The following TMEM132C variants were observed in gnomAD, a reference collection of about 807,000 sequenced individuals.
TMEM132C encodes the protein protein phosphatase 1, regulatory subunit 152.
In TMEM132C, 29 loss-of-function variants were observed where a neutral mutation model predicts 61.4. That is an observed-to-expected ratio of 0.47 (90% CI 0.35 to 0.64). The LOEUF is 0.64. TMEM132C is among the 30% of genes least tolerant of loss of function. The pLI, the probability that TMEM132C is intolerant of heterozygous loss-of-function variation, is 0.00. For synonymous variants in TMEM132C, 656 were observed against 633.1 expected, an observed-to-expected ratio of 1.04 and a Z score of -0.54; for missense variants, 1,408 against 1,476.9, an observed-to-expected ratio of 0.95 and a Z score of 0.76.
chr12:128,635,468 T>TC (rs1316115755), intron 4 of TMEM132C, among the ~76,000 whole-genome samples: 2 of 146,894 alleles, frequency 1.4e-5, no homozygotes, highest in Non-Finnish European at 2.9e-5. Flanking sequence ...TTTTCTTTTT[T>TC]TTTTTTTTTT....
At chr12:128,509,122 G>A (rs142631412) in intron 2 of TMEM132C, among the ~76,000 whole-genome samples, 189 of 152,278 alleles carry the variant, frequency 1.2e-3, no homozygotes, top group East Asian at 0.01. Flanking sequence ...GCAAGTCCTC[G>A]AAGCAAACCA....
intron 1 of TMEM132C, among the ~76,000 whole-genome samples, chr12:128,381,334 G>A (rs956309646): frequency 9.2e-5 from 14 of 152,170 alleles, no homozygotes; most frequent in Middle Eastern, 3.2e-3. Flanking sequence ...AATCCATCTG[G>A]TGGAGCAGAG....
At chr12:128,564,890 A>T (rs1874644692) in intron 3 of TMEM132C, among the ~76,000 whole-genome samples, 1 of 152,192 alleles carries the variant, frequency 6.6e-6, no homozygotes, top group African/African-American at 2.4e-5. Flanking sequence ...CCTGGTAGTC[A>T]TGCCTTTAAA....
intron 2 of TMEM132C, among the ~76,000 whole-genome samples, chr12:128,419,380 G>A (rs975539629): frequency 6.6e-6 from 1 of 152,152 alleles, no homozygotes. Context: ...GGATGAGTGC[G>A]AAGGCTCTGG....
chr12:128,483,130 T>C (rs1871366345), intron 2 of TMEM132C, among the ~76,000 whole-genome samples: 1 of 149,670 alleles, frequency 6.7e-6, no homozygotes, highest in African/African-American at 2.5e-5. Flanking sequence ...TAGCTGGGCA[T>C]GGTAGCACAC....
At chr12:128,395,739 G>A (rs1264583569) in intron 1 of TMEM132C, among the ~76,000 whole-genome samples, 1 of 152,128 alleles carries the variant, frequency 6.6e-6, no homozygotes, top group Non-Finnish European at 1.5e-5. Context: ...CTACTGAACG[G>A]GCATCACTTT....
chr12:128,560,410 C>G (rs1033235950), intron 3 of TMEM132C, among the ~76,000 whole-genome samples: 1 of 152,228 alleles, frequency 6.6e-6, no homozygotes, highest in East Asian at 1.9e-4. Flanking sequence ...CCACAGTGGC[C>G]TTCCAGGAGA....
At chr12:128,301,794 G>T (rs1023844373) in intron 1 of TMEM132C, among the ~76,000 whole-genome samples, 2 of 152,146 alleles carry the variant, frequency 1.3e-5, no homozygotes, top group Non-Finnish European at 2.9e-5. Flanking sequence ...TAAAGACATA[G>T]CTGAGACTGG....
intron 3 of TMEM132C, among the ~76,000 whole-genome samples, chr12:128,577,629 C>T (rs773313242): frequency 1.1e-4 from 16 of 152,202 alleles, no homozygotes; most frequent in Non-Finnish European, 4.4e-5. Context: ...CTCTCGCCAC[C>T]GGTGCACTCT....
intron 3 of TMEM132C, among the ~76,000 whole-genome samples, chr12:128,609,523 G>T (rs180684514): frequency 2.0e-5 from 3 of 152,126 alleles, no homozygotes; most frequent in African/African-American, 4.8e-5. Context: ...CTCACAAAGT[G>T]CTGGGATTAC....
chr12:128,399,680 C>A (rs566490899), intron 1 of TMEM132C, among the ~76,000 whole-genome samples: 1 of 152,056 alleles, frequency 6.6e-6, no homozygotes, highest in South Asian at 2.1e-4. Context: ...AAACATGACT[C>A]GGAAAGACTT....
At chr12:128,685,455 C>G (rs969221860) in intron 5 of TMEM132C, among the ~76,000 whole-genome samples, 4 of 152,168 alleles carry the variant, frequency 2.6e-5, no homozygotes, top group African/African-American at 9.7e-5. Flanking sequence ...GTGGTCAGCT[C>G]CTTGTTCCTT....
chr12:128,669,643 A>C, intron 5 of TMEM132C, 83 bp downstream of exon 5: 1 of 1,485,978 alleles, frequency 6.7e-7, no homozygotes, highest in Non-Finnish European at 9.1e-7. Context: ...TTAGACTGAA[A>C]TACATGACGT....
At chr12:128,275,611 C>T (rs1870663891) in intron 1 of TMEM132C, among the ~76,000 whole-genome samples, 1 of 152,030 alleles carries the variant, frequency 6.6e-6, no homozygotes, top group South Asian at 2.1e-4. Flanking sequence ...AAACAATCCC[C>T]CCACCCCCTG....
At chr12:128,542,984 A>C (rs965561660) in intron 2 of TMEM132C, among the ~76,000 whole-genome samples, 3 of 152,038 alleles carry the variant, frequency 2.0e-5, no homozygotes, top group African/African-American at 7.2e-5. Context: ...GAGTGGGATG[A>C]AGGAAAACGG....
rs142747692 is a variant in TMEM132C at position 128,591,250 on chromosome 12, A to T, written c.1122-24902A>T. 3.1e-3 allele frequency among the ~76,000 whole-genome samples: 472 copies of T among 151,998 alleles called. 6 individuals are homozygous for T. The highest frequency in any genetic ancestry group is 0.011 in the African/African-American group (454 of 41,436). On this transcript the variant is annotated intron_variant, in intron 3 of 8. Coordinates refer to ENST00000435159, the MANE Select transcript of TMEM132C (RefSeq NM_001136103.3). Reference sequence around the variant, plus strand: ...CATCCCAAAAAGAAATCCTATACCCATTCATTTGCAGTCACACCCCTCCCC... The same window carrying T: ...CATCCCAAAAAGAAATCCTATACCCTTTCATTTGCAGTCACACCCCTCCCC...
intron 3 of TMEM132C, among the ~76,000 whole-genome samples, chr12:128,567,517 C>T (rs1012784962): frequency 5.3e-5 from 8 of 151,408 alleles, no homozygotes; most frequent in African/African-American, 1.5e-4. Flanking sequence ...CTACGGTAAT[C>T]GTTTCACAGT....
chr12:128,267,452 C>T lies in TMEM132C; in HGVS notation c.50C>T (p.Ala17Val). 1 of 1,268,498 alleles carries T rather than the reference C, an allele frequency of 7.9e-7. No individual in the cohort carries two copies. The highest frequency in any genetic ancestry group is 2.8e-5 in the South Asian group (1 of 35,658). The allele number at this position is 1,268,498 out of a possible 1,614,324, so 78.6% of individuals were successfully genotyped here. The stretch of plus-strand genomic sequence containing the variant: ...GGGCCGGCGGCGCCGCTGTGCGGGG[C>T]GCTGAGCCTGCTGCTGGGCGCGCTG... ...APGPAAPLCG[A>V]LSLLLGALLG... The change falls in exon 1 of 9, where the codon GCG becomes GTG. Residue 17 changes from alanine (A) to valine (V), a missense_variant. Transcript: ENST00000435159.
rs544194943 is a variant in TMEM132C at position 128,526,364 on chromosome 12, T to C, written c.975-17593T>C. On this transcript the variant is annotated intron_variant, in intron 2 of 8. Transcript: ENST00000435159. ...CCTTCCTGGTTTGTAGGGGCTGCCT[T>C]CTCTGTGTCTTCACGAGGTGGAGTG... Among the ~76,000 whole-genome samples, 103 of 152,310 alleles carry C rather than the reference T, an allele frequency of 6.8e-4. 1 individual carries two copies. The South Asian group carries it at 0.021, about 30-fold the overall frequency.
Sources: allele counts gnomAD v4.1 joint callset (sites outside exome capture counted in the v4.1 genomes callset), GRCh38; gene constraint gnomAD v4.1.1; transcripts MANE v1.5; gene names NCBI Gene and HGNC (gene_info 2026-07-23, HGNC 2026-07-21).